The following MALRD1 variants were observed in gnomAD, a reference collection of about 807,000 sequenced individuals.
MALRD1 encodes the protein MAM and LDL receptor class A domain containing 1.
Under a neutral mutation model 242.1 loss-of-function variants are expected in MALRD1, and 247 were observed. The ratio of observed to expected loss-of-function variants is 1.02; its 90% CI spans 0.92 to 1.13. MALRD1 has a LOEUF of 1.13. Among genes scored for constraint, MALRD1 ranks in the 50% most tolerant of loss-of-function variants. MALRD1 has a pLI of 0.00. For synonymous variants in MALRD1, 995 were observed against 866.6 expected (o/e 1.15, Z -2.60); for missense variants, 2,989 against 2,533.1 (o/e 1.18, Z -3.86).
chr10:19,502,388 GT>G (rs1838017803), intron 31 of MALRD1, among the ~76,000 whole-genome samples: 1 of 151,982 alleles, frequency 6.6e-6, no homozygotes, highest in African/African-American at 2.4e-5. Context: ...AGAGAAATAG[GT>G]TTCTATTTGA....
At chr10:19,155,751 T>A (rs1321097820) in intron 12 of MALRD1, among the ~76,000 whole-genome samples, 1 of 152,204 alleles carries the variant, frequency 6.6e-6, no homozygotes, top group Non-Finnish European at 1.5e-5. Context: ...CATACATGAT[T>A]GTATGCATTA....
At chr10:19,638,799 T>C (rs984372908) in intron 36 of MALRD1, among the ~76,000 whole-genome samples, 12 of 152,170 alleles carry the variant, frequency 7.9e-5, no homozygotes, top group Admixed American at 3.9e-4. Flanking sequence ...TTGGCAAGAC[T>C]CCTAAGAAGG....
At chr10:19,216,769 C>A (rs1450296727) in intron 18 of MALRD1, among the ~76,000 whole-genome samples, 2 of 151,402 alleles carry the variant, frequency 1.3e-5, no homozygotes, top group African/African-American at 2.4e-5. Flanking sequence ...CACGGTGAAA[C>A]CCCATCTCTA....
chr10:19,535,320 A>G (rs1004122850), intron 32 of MALRD1, among the ~76,000 whole-genome samples: 5 of 152,316 alleles, frequency 3.3e-5, no homozygotes, highest in Middle Eastern at 3.4e-3. Flanking sequence ...TGAATGAATA[A>G]TTAGTGATAA....
chr10:19,441,753 A>T (rs1231335731), intron 28 of MALRD1, among the ~76,000 whole-genome samples: 1 of 152,154 alleles, frequency 6.6e-6, no homozygotes, highest in East Asian at 1.9e-4. Flanking sequence ...TATAGTTTGA[A>T]GTCAGGTAGC....
chr10:19,315,209 TTTATATAA>T (rs1842612938), intron 21 of MALRD1, among the ~76,000 whole-genome samples: 1 of 119,820 alleles, frequency 8.3e-6, no homozygotes, highest in Non-Finnish European at 1.6e-5. Flanking sequence ...AGAAATATAA[TTTATATAA>T]ATATATAAAT....
chr10:19,626,146 A>G (rs143957538), intron 36 of MALRD1, among the ~76,000 whole-genome samples: 1 of 152,298 alleles, frequency 6.6e-6, no homozygotes, highest in African/African-American at 2.4e-5. Context: ...AACATAAATT[A>G]CTAAAATTGG....
chr10:19,387,253 A>G (rs1846119072), intron 26 of MALRD1, among the ~76,000 whole-genome samples: 1 of 150,610 alleles, frequency 6.6e-6, no homozygotes, highest in African/African-American at 2.4e-5. Context: ...GGAATGTTGC[A>G]TTTGGGGAGA....
intron 21 of MALRD1, among the ~76,000 whole-genome samples, chr10:19,294,460 T>C (rs1841598279): frequency 6.6e-6 from 1 of 152,198 alleles, no homozygotes; most frequent in African/African-American, 2.4e-5. Context: ...ACATTTTTAT[T>C]GCCTAAAAGA....
intron 38 of MALRD1, among the ~76,000 whole-genome samples, chr10:19,712,558 G>A (rs1463702515): frequency 6.6e-6 from 1 of 152,148 alleles, no homozygotes; most frequent in Non-Finnish European, 1.5e-5. Flanking sequence ...TAAAAAATAG[G>A]AAAAAGGAAG....
chr10:19,720,999 T>G (rs1228102377), intron 38 of MALRD1, among the ~76,000 whole-genome samples: 1 of 149,380 alleles, frequency 6.7e-6, no homozygotes, highest in Non-Finnish European at 1.5e-5. Flanking sequence ...AAAACCTATT[T>G]CCTTAGGTTA....
intron 30 of MALRD1, among the ~76,000 whole-genome samples, chr10:19,492,290 C>T (rs1354010317): frequency 6.6e-6 from 1 of 151,632 alleles, no homozygotes; most frequent in Non-Finnish European, 1.5e-5. Context: ...CTTATCTTTC[C>T]TAGAGAATAT....
intron 26 of MALRD1, among the ~76,000 whole-genome samples, chr10:19,357,236 G>A (rs992260356): frequency 6.6e-6 from 1 of 152,018 alleles, no homozygotes; most frequent in African/African-American, 2.4e-5. Flanking sequence ...TTTACCCAAT[G>A]TATCTGAAAC....
At chr10:19,444,115 A>G (rs1263844373) in intron 28 of MALRD1, among the ~76,000 whole-genome samples, 3 of 152,128 alleles carry the variant, frequency 2.0e-5, no homozygotes, top group Admixed American at 2.0e-4. Context: ...GTTTTATCAG[A>G]GACTAGGATT....
At chr10:19,694,388 C>T (rs1302498125) in intron 38 of MALRD1, among the ~76,000 whole-genome samples, 3 of 152,110 alleles carry the variant, frequency 2.0e-5, no homozygotes, top group Non-Finnish European at 4.4e-5. Flanking sequence ...AAGAAAAAAA[C>T]AACCCCATCA....
intron 36 of MALRD1, among the ~76,000 whole-genome samples, chr10:19,667,005 C>A (rs1841707963): frequency 6.6e-6 from 1 of 152,086 alleles, no homozygotes; most frequent in Admixed American, 6.6e-5. Flanking sequence ...GTAACCTACA[C>A]CTCACACTGC....
chr10:19,475,491 AGG>A (rs1564373511), intron 29 of MALRD1, among the ~76,000 whole-genome samples: 1 of 152,212 alleles, frequency 6.6e-6, no homozygotes, highest in Non-Finnish European at 1.5e-5. Flanking sequence ...AAAGAATATA[AGG>A]TAAAAATATT....
chr10:19,573,573 G>C (rs1435403355), intron 33 of MALRD1, among the ~76,000 whole-genome samples: 1 of 151,766 alleles, frequency 6.6e-6, no homozygotes, highest in African/African-American at 2.4e-5. Flanking sequence ...CCCATGCTCA[G>C]CCACCCCTTT....
intron 21 of MALRD1, among the ~76,000 whole-genome samples, chr10:19,300,840 AAAAC>A (rs1282037670): frequency 6.6e-6 from 1 of 152,096 alleles, no homozygotes; most frequent in African/African-American, 2.4e-5. Flanking sequence ...AATGGTAACA[AAAAC>A]AAAAATTGAC....
Sources: gnomAD v4.1 joint callset for allele counts (sites outside exome capture counted in the v4.1 genomes callset) on GRCh38, gnomAD v4.1.1 for gene constraint, MANE v1.5 for transcripts, NCBI Gene and HGNC (gene_info 2026-07-23, HGNC 2026-07-21) for gene names.